SLIT2: variants seen among roughly 807,000 people sequenced by gnomAD.
SLIT2 encodes the protein slit homolog 2 protein.
Under a neutral mutation model 185.7 loss-of-function variants are expected in SLIT2, and 41 were observed. The ratio of observed to expected loss-of-function variants is 0.22; its 90% CI spans 0.17 to 0.29. The LOEUF (loss-of-function observed/expected upper bound fraction) is 0.29, where lower values mean the gene tolerates loss of function less well. Ranked by LOEUF, SLIT2 falls within the 10% of genes least tolerant of loss-of-function variation. The pLI is 1.00. For missense variants in SLIT2, 1,571 were observed against 1,909.0 expected (o/e 0.82, Z 3.30); for synonymous variants, 693 against 680.2 (o/e 1.02, Z -0.29).
In SLIT2 at chr4:20,354,150, T is replaced by C. The variant is rs560288080; in HGVS notation, c.395+85269T>C. ...AATTAACTACCAGGCAGGCATCAAT[T>C]TGTCATTTTTGTATATTGCATTAAA... On this transcript the variant is annotated intron_variant, in intron 4 of 36. Coordinates refer to ENST00000504154, the MANE Select transcript of SLIT2 (RefSeq NM_004787.4). Among the ~76,000 whole-genome samples the C allele has an allele frequency of 2.0e-5, 3 of 152,300 alleles. No individual in the cohort carries two copies. The South Asian group carries it at 6.2e-4, about 32-fold the overall frequency.
At chr4:20,272,858 T>C (rs1158445292) in intron 4 of SLIT2, among the ~76,000 whole-genome samples, 1 of 152,160 alleles carries the variant, frequency 6.6e-6, no homozygotes, top group Admixed American at 6.6e-5. Context: ...TCAAGTGCCA[T>C]TCATGATTCC....
chr4:20,274,112 G>A (rs145209616), intron 4 of SLIT2, among the ~76,000 whole-genome samples: 63 of 152,290 alleles, frequency 4.1e-4, no homozygotes, highest in African/African-American at 1.3e-3. Context: ...CTAATTTGGT[G>A]TAAGGAAACA....
chr4:20,512,905 TAAAG>T (rs1358947600), intron 11 of SLIT2, among the ~76,000 whole-genome samples: 1 of 152,190 alleles, frequency 6.6e-6, no homozygotes, highest in Non-Finnish European at 1.5e-5. Context: ...AGAAAATATA[TAAAG>T]ATATTTACAA....
Position 20,510,509 on chromosome 4 carries a change from A to G in SLIT2, c.929A>G (p.Asn310Ser), listed in dbSNP as rs1560487051. The change falls in exon 10 of 37, where the codon AAC becomes AGC. Residue 310 changes from asparagine to serine, a missense_variant. Around this residue, in one of 3 missense-constraint regions of SLIT2, gnomAD observed 1,202 missense variants for 1,416.4 expected, o/e 0.85. Coordinates refer to ENST00000504154, the MANE Select transcript of SLIT2 (RefSeq NM_004787.4). ...TTTCATTGCAGACGTTTGGAACAGA[A>G]CACAATCAAAGTCATCCCTCCTGGA... Reference protein sequence around the residue: ...ETITEIRLEQNTIKVIPPGAF... With the variant: ...ETITEIRLEQSTIKVIPPGAF... 1.2e-6 allele frequency: 2 copies of G among 1,611,274 alleles called. No homozygotes were observed. The highest frequency in any genetic ancestry group is 1.7e-6 in the Non-Finnish European group (2 of 1,177,812).
chr4:20,451,500 A>G lies in SLIT2; in HGVS notation c.396-16252A>G, dbSNP rs529952555. 2.0e-5 allele frequency among the ~76,000 whole-genome samples: 3 copies of G among 152,290 alleles called. No individual in the cohort carries two copies. In the South Asian group the frequency reaches 6.2e-4, roughly 32 times the overall value. On this transcript the variant is annotated intron_variant, in intron 4 of 36. Coordinates refer to ENST00000504154, the MANE Select transcript of SLIT2 (RefSeq NM_004787.4). ...TTCCAACCCTTATAAAATGAAATGT[A>G]TTCATATGTTGTTGGTTAATTTCCT...
intron 4 of SLIT2, among the ~76,000 whole-genome samples, chr4:20,407,206 A>G (rs1397340940): frequency 6.6e-6 from 1 of 152,140 alleles, no homozygotes; most frequent in Non-Finnish European, 1.5e-5. Context: ...TTCTTGCTGC[A>G]AAAACACAGA....
chr4:20,591,454 G>A (rs1474673962), intron 30 of SLIT2, among the ~76,000 whole-genome samples: 1 of 152,040 alleles, frequency 6.6e-6, no homozygotes, highest in Admixed American at 6.6e-5. Context: ...ATCCAAAAAT[G>A]TAGAATATGT....
intron 33 of SLIT2, among the ~76,000 whole-genome samples, chr4:20,602,874 A>G (rs1358012664): frequency 6.6e-6 from 1 of 152,042 alleles, no homozygotes; most frequent in African/African-American, 2.4e-5. Context: ...TAACAGTACC[A>G]GTTGTTAAAC....
chr4:20,564,795 T>A (rs891260574), intron 26 of SLIT2, among the ~76,000 whole-genome samples: 1 of 148,686 alleles, frequency 6.7e-6, no homozygotes, highest in African/African-American at 2.5e-5. Context: ...TTTTTTTTTT[T>A]AGCTAAACTG....
intron 4 of SLIT2, among the ~76,000 whole-genome samples, chr4:20,349,056 A>G (rs1721659905): frequency 6.6e-6 from 1 of 152,182 alleles, no homozygotes; most frequent in Admixed American, 6.5e-5. Context: ...AAATTGTGCC[A>G]TTCCCAAAGA....
At chr4:20,474,913 C>G (rs952289200) in intron 5 of SLIT2, among the ~76,000 whole-genome samples, 3 of 151,738 alleles carry the variant, frequency 2.0e-5, no homozygotes, top group East Asian at 3.9e-4. Flanking sequence ...GGGAATAGAG[C>G]AGAATGTTGC....
chr4:20,385,197 C>T (rs1040846084), intron 4 of SLIT2, among the ~76,000 whole-genome samples: 55 of 152,098 alleles, frequency 3.6e-4, no homozygotes, highest in Admixed American at 5.2e-4. Context: ...CCTCTCTGGT[C>T]TACACTGTTG....
intron 4 of SLIT2, among the ~76,000 whole-genome samples, chr4:20,335,317 A>G (rs1031496885): frequency 6.6e-6 from 1 of 152,214 alleles, no homozygotes; most frequent in African/African-American, 2.4e-5. Flanking sequence ...ACCGGTGTGC[A>G]TAGTCAGTGT....
rs1301083912 is a variant in SLIT2, at chr4:20,620,457, G to T, written c.*1448G>T. The stretch of plus-strand genomic sequence containing the variant: ...TCCTGAAAACTTCTTTTTTTACAAA[G>T]AAAATTAGATGTACATGTATAATTC... On this transcript the variant is annotated 3_prime_UTR_variant, in exon 37 of 37. Coordinates refer to ENST00000504154, the MANE Select transcript of SLIT2 (RefSeq NM_004787.4). 2.2e-6 allele frequency: 1 copy of T among 453,642 alleles called. No homozygotes were observed. The highest frequency in any genetic ancestry group is 4.4e-6 in the Non-Finnish European group (1 of 226,334). The allele number at this position is 453,642 out of a possible 1,614,324, so 28.1% of individuals were successfully genotyped here. A position where few individuals can be genotyped will look rare whatever the true frequency, so the allele number is the denominator to read the frequency against.
intron 4 of SLIT2, among the ~76,000 whole-genome samples, chr4:20,410,715 T>A (rs1010649193): frequency 4.6e-5 from 7 of 152,118 alleles, no homozygotes; most frequent in Non-Finnish European, 1.0e-4. Context: ...TTGTTAAAGA[T>A]CAGATGGTTG....
intron 4 of SLIT2, among the ~76,000 whole-genome samples, chr4:20,367,767 T>TGGG (rs1349905587): frequency 6.6e-6 from 1 of 152,064 alleles, no homozygotes; most frequent in Non-Finnish European, 1.5e-5. Flanking sequence ...GAGGAGAGAA[T>TGGG]GGGCTTTGAG....
chr4:20,502,621 T>C (rs1259777983), intron 9 of SLIT2, among the ~76,000 whole-genome samples: 1 of 152,178 alleles, frequency 6.6e-6, no homozygotes, highest in Non-Finnish European at 1.5e-5. Flanking sequence ...GGTAGAGAAC[T>C]TGAGGGCTTT....
At chr4:20,601,739 A>G (rs950280570) in intron 33 of SLIT2, among the ~76,000 whole-genome samples, 6 of 152,220 alleles carry the variant, frequency 3.9e-5, no homozygotes, top group Non-Finnish European at 7.3e-5. Context: ...AAATCTATCA[A>G]TAACAGTGTT....
intron 26 of SLIT2, among the ~76,000 whole-genome samples, chr4:20,561,670 A>G (rs962323299): frequency 5.9e-5 from 9 of 151,570 alleles, no homozygotes; most frequent in African/African-American, 1.9e-4. Flanking sequence ...TCTTTTTTAC[A>G]TTTTCAGATT....
Sources: allele counts gnomAD v4.1 joint callset (sites outside exome capture counted in the v4.1 genomes callset), GRCh38; gene constraint gnomAD v4.1.1; regional missense constraint gnomAD v4.1.1; transcripts MANE v1.5; gene names NCBI Gene and HGNC (gene_info 2026-07-23, HGNC 2026-07-21).